Variants in NUGGC observed in about 807,000 individuals in gnomAD.
NUGGC encodes the protein nuclear GTPase, germinal center associated, also known as nuclear GTPase SLIP-GC.
Under a neutral mutation model 92.6 loss-of-function variants are expected in NUGGC, and 58 were observed. That is an observed-to-expected ratio of 0.63 (90% confidence interval 0.51 to 0.78). The LOEUF is 0.78. NUGGC is among the 30% of genes least tolerant of loss of function. The pLI is 0.00. For synonymous variants in NUGGC, 376 were observed against 366.4 expected, an observed-to-expected ratio of 1.03 and a Z score of -0.30; for missense variants, 925 against 964.6, an observed-to-expected ratio of 0.96 and a Z score of 0.54.
At chr8:28,067,407 T>C (rs17408912) in intron 6 of NUGGC, 107 bp downstream of exon 6, 112,253 of 723,050 alleles carry the variant, frequency 0.16, 9,576 homozygotes, top group South Asian at 0.25. Context: ...GCAACTTATT[T>C]CTTATTTCAC....
intron 18 of NUGGC, among the ~76,000 whole-genome samples, chr8:28,025,013 G>C (rs1809221363): frequency 6.6e-6 from 1 of 152,092 alleles, no homozygotes; most frequent in South Asian, 2.1e-4. Flanking sequence ...TTCCCTTTCT[G>C]TGTTTCGCTT....
chr8:28,038,854 T>C (rs1048015471), intron 13 of NUGGC, among the ~76,000 whole-genome samples: 7 of 152,032 alleles, frequency 4.6e-5, no homozygotes, highest in Non-Finnish European at 1.0e-4. Context: ...ATGGAAAAGG[T>C]ATTTAGTCTC....
chr8:28,069,180 A>T (rs1810522977), intron 4 of NUGGC, among the ~76,000 whole-genome samples: 1 of 152,200 alleles, frequency 6.6e-6, no homozygotes, highest in Admixed American at 6.5e-5. Context: ...AATTGGGGAC[A>T]TGAGCTCAGA....
intron 3 of NUGGC, 42 bp from the exon 4 acceptor site, chr8:28,069,694 G>T: frequency 9.2e-7 from 1 of 1,085,294 alleles, no homozygotes; most frequent in Non-Finnish European, 1.4e-6. Flanking sequence ...TACCTGGCAG[G>T]GATAAAGTAC....
intron 15 of NUGGC, among the ~76,000 whole-genome samples, 165 bp downstream of exon 15, chr8:28,031,078 T>C (rs938964244): frequency 8.5e-5 from 13 of 152,154 alleles, no homozygotes; most frequent in Non-Finnish European, 8.8e-5. Context: ...CCCACTGCCG[T>C]CCCCACATCC....
chr8:28,069,745 G>A (rs1431674065), intron 3 of NUGGC, 93 bp from the exon 4 acceptor site: 14 of 756,184 alleles, frequency 1.9e-5, no homozygotes, highest in Admixed American at 1.3e-4. Context: ...TCGCAGAGAA[G>A]GGAAAAAAAA....
intron 18 of NUGGC, among the ~76,000 whole-genome samples, chr8:28,026,529 G>C (rs1051936505): frequency 6.6e-6 from 1 of 152,194 alleles, no homozygotes; most frequent in Non-Finnish European, 1.5e-5. Flanking sequence ...CAACTTAAAA[G>C]AAAGACTTTA....
intron 16 of NUGGC, 62 bp downstream of exon 16, chr8:28,030,248 T>C: frequency 1.1e-6 from 1 of 881,098 alleles, no homozygotes; most frequent in Non-Finnish European, 1.9e-6. Context: ...CAGAAAAGGA[T>C]GCGAAAGATG....
At chr8:28,036,162 C>T (rs1251044035) in intron 13 of NUGGC, among the ~76,000 whole-genome samples, 1 of 152,212 alleles carries the variant, frequency 6.6e-6, no homozygotes, top group African/African-American at 2.4e-5. Context: ...GCATGAGCCA[C>T]TGCACTCAGC....
In NUGGC at chr8:28,064,557, C is replaced by A; in HGVS notation, c.886G>T (p.Asp296Tyr). The A allele has an allele frequency of 1.2e-6, 2 of 1,614,010 alleles. No homozygotes were observed. The highest frequency in any genetic ancestry group is 1.3e-5 in the African/African-American group (1 of 75,060). Reference sequence around the variant, plus strand: ...ATCTCGTCCCTCTTGCTGTTGAAGTCGCCTGTGCCTGGGATGTCCACCAGC... The same window carrying A: ...ATCTCGTCCCTCTTGCTGTTGAAGTAGCCTGTGCCTGGGATGTCCACCAGC... ...VVLVDIPGTG[D>Y]FNSKRDEMWK... Residue 296 changes from aspartate to tyrosine, a missense_variant, in exon 7 of 19, where the codon GAC (aspartate) becomes TAC (tyrosine). Coordinates refer to ENST00000413272, the MANE Select transcript of NUGGC (RefSeq NM_001010906.2).
chr8:28,042,551 C>A (rs1321021571), intron 12 of NUGGC, among the ~76,000 whole-genome samples: 2 of 152,166 alleles, frequency 1.3e-5, no homozygotes, highest in Non-Finnish European at 2.9e-5. Flanking sequence ...CCTGAGTCCC[C>A]AGGTAGAGGT....
In NUGGC at chr8:28,068,445, G is replaced by A; in HGVS notation, c.258-7C>T. 2.0e-6 allele frequency: 3 copies of A among 1,536,682 alleles called. No homozygotes were observed. Among genetic ancestry groups the A allele is most frequent in the Non-Finnish European group, 2.7e-6 (3 of 1,130,894 alleles). On this transcript the variant is annotated splice_region_variant and splice_polypyrimidine_tract_variant and intron_variant, in intron 4 of 18. Coordinates refer to ENST00000413272, the MANE Select transcript of NUGGC (RefSeq NM_001010906.2). ...CAAGGCAAGAAGCCTATTTCTGGAT[G>A]AATTTTAAAATGCACATTGCCATGA...
At chr8:28,049,855 G>A (rs1809943959) in intron 10 of NUGGC, among the ~76,000 whole-genome samples, 1 of 152,214 alleles carries the variant, frequency 6.6e-6, no homozygotes, top group Admixed American at 6.5e-5. Flanking sequence ...GGAAGCCGAG[G>A]CAGGTGGATT....
chr8:28,056,195 G>A lies in NUGGC; in HGVS notation c.1117-141C>T, dbSNP rs200804364. 9 of 552,530 alleles carry A rather than the reference G, an allele frequency of 1.6e-5. No individual in the cohort carries two copies. The East Asian group carries it at 2.9e-4, about 18-fold the overall frequency. 34.2% of individuals were successfully genotyped at this position (552,530 alleles called of 1,614,324 possible). On this transcript the variant is annotated intron_variant, in intron 9 of 18. Transcript: ENST00000413272. ...ATGCACTGTATTAGAATTATACACA[G>A]TTGCCGGGCACGGTGGCTCATGCCT... is the stretch of plus-strand genomic sequence containing the variant.
intron 1 of NUGGC, among the ~76,000 whole-genome samples, chr8:28,076,621 A>G (rs1810728344): frequency 6.6e-6 from 1 of 152,136 alleles, no homozygotes. Flanking sequence ...GGTATGTTAG[A>G]GTCCTTGATT....
chr8:28,062,475 A>G (rs943226404), intron 7 of NUGGC, among the ~76,000 whole-genome samples: 2 of 151,904 alleles, frequency 1.3e-5, no homozygotes, highest in African/African-American at 4.8e-5. Flanking sequence ...AAATTAGCCA[A>G]GTGTGGTTGT....
rs148067434 is a variant in NUGGC, at chr8:28,028,290, G to A, written c.2154+976C>T. Among the ~76,000 whole-genome samples the A allele has an allele frequency of 5.2e-3, 788 of 152,306 alleles. 10 individuals are homozygous for A. Among genetic ancestry groups the A allele is most frequent in the African/African-American group, 0.018 (765 of 41,558 alleles). ...TCTTGTCCATGAATTTTTAGACGGT[G>A]ATAACATGTTAAAGGATTGAAACTA... On this transcript the variant is annotated intron_variant, in intron 17 of 18. Coordinates refer to ENST00000413272, the MANE Select transcript of NUGGC (RefSeq NM_001010906.2).
At chr8:28,064,831 G>A (rs1264938996) in intron 6 of NUGGC, 100 bp from the exon 7 acceptor site, 7 of 960,426 alleles carry the variant, frequency 7.3e-6, no homozygotes, top group Non-Finnish European at 9.5e-6. Flanking sequence ...GCTGAGTAAG[G>A]GTAAGAAGTG....
intron 1 of NUGGC, among the ~76,000 whole-genome samples, chr8:28,083,015 T>C (rs1810887160): frequency 1.3e-5 from 2 of 152,106 alleles, no homozygotes; most frequent in Non-Finnish European, 2.9e-5. Context: ...AAGAGACAAA[T>C]GTCCCATATA....
Sources: gnomAD v4.1 joint callset for allele counts (sites outside exome capture counted in the v4.1 genomes callset) on GRCh38, gnomAD v4.1.1 for gene constraint, MANE v1.5 for transcripts, NCBI Gene and HGNC (gene_info 2026-07-23, HGNC 2026-07-21) for gene names.